The following PLCG2 variants were observed in gnomAD, a reference collection of about 807,000 sequenced individuals.
PLCG2 encodes 1-phosphatidylinositol 4,5-bisphosphate phosphodiesterase gamma-2.
A neutral mutation model predicts 175.6 loss-of-function variants in PLCG2; 69 were observed. The observed-to-expected ratio is 0.39, with a 90% CI of 0.32 to 0.48. The LOEUF (loss-of-function observed/expected upper bound fraction) is 0.48. Among genes scored for constraint, PLCG2 ranks in the 20% least tolerant of loss-of-function variants. PLCG2 has a pLI of 0.91. For synonymous variants in PLCG2, 827 were observed against 624.0 expected (o/e 1.33, Z -4.85); for missense variants, 1,798 against 1,650.9 (o/e 1.09, Z -1.54).
intron 17 of PLCG2, among the ~76,000 whole-genome samples, chr16:81,908,974 C>T (rs1909500128): frequency 6.6e-6 from 1 of 152,194 alleles, no homozygotes; most frequent in Admixed American, 6.5e-5. Context: ...AACCTTCTAG[C>T]ATCTCTGTCT....
At chr16:81,820,696 C>T (rs1597336819) in intron 2 of PLCG2, among the ~76,000 whole-genome samples, 2 of 152,198 alleles carry the variant, frequency 1.3e-5, no homozygotes, top group Admixed American at 6.5e-5. Flanking sequence ...TCTTGGCCCA[C>T]TGCAGCTTCC....
chr16:81,856,996 G>A (rs117750022), intron 3 of PLCG2, among the ~76,000 whole-genome samples: 3,999 of 152,278 alleles, frequency 0.026, 74 homozygotes, highest in Middle Eastern at 0.058. Flanking sequence ...CTTCCCCAGA[G>A]CTTTCAGAAG....
At chr16:81,873,258 G>A (rs537411285) in intron 7 of PLCG2, among the ~76,000 whole-genome samples, 1 of 152,250 alleles carries the variant, frequency 6.6e-6, no homozygotes, top group Admixed American at 6.5e-5. Context: ...TGAGATCAAT[G>A]GTTATAAAAC....
At chr16:81,779,932 C>A (rs978479500) in intron 1 of PLCG2, among the ~76,000 whole-genome samples, 1 of 152,198 alleles carries the variant, frequency 6.6e-6, no homozygotes, top group African/African-American at 2.4e-5. Flanking sequence ...AGGACACTCG[C>A]GATGCCCGCT....
Position 81,945,886 on chromosome 16 carries a change from G to A in PLCG2, c.3482-289G>A, listed in dbSNP as rs564089105. On this transcript the variant is annotated intron_variant, in intron 30 of 32. Coordinates refer to ENST00000564138, the MANE Select transcript of PLCG2 (RefSeq NM_002661.5). ...CACAGCTGCAATCACTACACTCAAT[G>A]TGGAATGTTCTGTGGGTTTTAATTT... 3.3e-5 allele frequency among the ~76,000 whole-genome samples: 5 copies of A among 152,348 alleles called. No homozygotes were observed. The South Asian group carries it at 6.2e-4, about 19-fold the overall frequency.
chr16:81,779,603 G>T (rs1910637425), intron 1 of PLCG2, among the ~76,000 whole-genome samples, 179 bp downstream of exon 1: 1 of 152,070 alleles, frequency 6.6e-6, no homozygotes, highest in African/African-American at 2.4e-5. Flanking sequence ...GTTTGGTGAC[G>T]GCAGGGATCC....
rs190592047 is a variant in PLCG2, at chr16:81,874,160, G to C, written c.648+3225G>C. Among the ~76,000 whole-genome samples the C allele has an allele frequency of 4.0e-3, 603 of 152,278 alleles. 14 individuals are homozygous for C. Among genetic ancestry groups the C allele is most frequent in the Admixed American group, 0.035 (536 of 15,294 alleles). The stretch of plus-strand genomic sequence containing the variant: ...TTAATTGCCTACATTTAAAACTTGA[G>C]AGATTATATTATATATTAAAATCTA... On this transcript the variant is annotated intron_variant, in intron 7 of 32. Transcript: ENST00000564138.
chr16:81,891,672 G>A, intron 11 of PLCG2, 82 bp downstream of exon 11: 3 of 796,042 alleles, frequency 3.8e-6, no homozygotes, highest in Non-Finnish European at 6.8e-6. Flanking sequence ...CGCCGCTCCG[G>A]TGAGCCCTGT....
At chr16:81,795,259 A>G (rs764400914) in intron 2 of PLCG2, among the ~76,000 whole-genome samples, 19 of 152,192 alleles carry the variant, frequency 1.2e-4, no homozygotes, top group South Asian at 2.1e-4. Flanking sequence ...TACTGTAATA[A>G]GGAGTCATTA....
intron 1 of PLCG2, among the ~76,000 whole-genome samples, chr16:81,742,929 C>G (rs764032310): frequency 2.6e-5 from 4 of 152,220 alleles, no homozygotes; most frequent in African/African-American, 9.7e-5. Flanking sequence ...TATCAACTTG[C>G]AATAACTTAG....
chr16:81,792,394 T>C (rs1268682413), intron 2 of PLCG2, among the ~76,000 whole-genome samples: 2 of 145,594 alleles, frequency 1.4e-5, no homozygotes, highest in African/African-American at 2.6e-5. Context: ...AGGCACAGAA[T>C]TGCTTGAATG....
chr16:81,906,728 A>G (rs1909385720), intron 15 of PLCG2, among the ~76,000 whole-genome samples: 2 of 152,230 alleles, frequency 1.3e-5, no homozygotes, highest in Admixed American at 1.3e-4. Context: ...CCAGCCAAAA[A>G]TGGCAATATT....
intron 14 of PLCG2, among the ~76,000 whole-genome samples, chr16:81,904,598 C>G (rs1056639485): frequency 3.9e-5 from 6 of 152,244 alleles, no homozygotes; most frequent in African/African-American, 9.6e-5. Flanking sequence ...CCTGTTCCCT[C>G]TGGACTGCGG....
chr16:81,858,030 C>T (rs1478856938), intron 3 of PLCG2: 4 of 492,772 alleles, frequency 8.1e-6, no homozygotes, highest in Non-Finnish European at 1.5e-5. Context: ...AGGAAATAAC[C>T]CACTTGTCAT....
chr16:81,869,266 A>G lies in PLCG2; in HGVS notation c.532A>G (p.Ser178Gly). The G allele has an allele frequency of 2.5e-6, 4 of 1,613,794 alleles. No individual in the cohort carries two copies. The highest frequency in any genetic ancestry group is 3.4e-6 in the Non-Finnish European group (4 of 1,179,664). ...CTTGCCCCTGATCAACTTTAAAGTG[A>G]GCAGTGCCAAGTTCCTTAAAGATAA... ...TILPLINFKVSSAKFLKDKFV... is the reference protein window; with the variant it reads ...TILPLINFKVGSAKFLKDKFV... Residue 178 changes from serine (S) to glycine (G), a missense_variant, in exon 6 of 33, where the codon AGC becomes GGC. By Grantham distance (56) the Ser-to-Gly change is moderately conservative (BLOSUM62 0). Coordinates refer to ENST00000564138, the MANE Select transcript of PLCG2 (RefSeq NM_002661.5).
intron 30 of PLCG2, among the ~76,000 whole-genome samples, chr16:81,943,520 A>ATTCAACATGAGATTT (rs929180277): frequency 1.3e-5 from 2 of 152,178 alleles, no homozygotes; most frequent in African/African-American, 4.8e-5. Flanking sequence ...GGAGATCACA[A>ATTCAACATGAGATTT]TTCAACATGA....
At chr16:81,764,737 A>G (rs752538837) in intron 2 of PLCG2, among the ~76,000 whole-genome samples, 1 of 152,218 alleles carries the variant, frequency 6.6e-6, no homozygotes. Context: ...GTATTTGGAA[A>G]GAGGGTCTTT....
chr16:81,900,462 C>T, intron 13 of PLCG2, 150 bp from the exon 14 acceptor site: 1 of 588,414 alleles, frequency 1.7e-6, no homozygotes, highest in Non-Finnish European at 2.9e-6. Flanking sequence ...GGATGAGGTC[C>T]TCTCCTTCTG....
chr16:81,817,856 A>C (rs1420859974), intron 2 of PLCG2, among the ~76,000 whole-genome samples: 1 of 152,236 alleles, frequency 6.6e-6, no homozygotes, highest in Non-Finnish European at 1.5e-5. Context: ...GTAGGCAAAA[A>C]TGAGACAAGC....
Sources: allele counts gnomAD v4.1 joint callset (sites outside exome capture counted in the v4.1 genomes callset), GRCh38; gene constraint gnomAD v4.1.1; transcripts MANE v1.5; gene names NCBI Gene and HGNC (gene_info 2026-07-23, HGNC 2026-07-21).